The following RFTN2 variants were observed in gnomAD, a reference collection of about 807,000 sequenced individuals.
The protein encoded by RFTN2 is raftlin-2.
RFTN2 carries 34 observed loss-of-function variants against 52.7 expected under a neutral mutation model. That is an observed-to-expected ratio of 0.64 (90% CI 0.49 to 0.86). The LOEUF (loss-of-function observed/expected upper bound fraction) is 0.86, where lower values mean the gene tolerates loss of function less well. RFTN2 is among the 40% of genes least tolerant of loss of function. RFTN2 has a pLI of 0.00. For synonymous variants in RFTN2, 203 were observed against 217.7 expected (o/e 0.93, Z 0.59); for missense variants, 536 against 600.1 (o/e 0.89, Z 1.12).
At chr2:197,605,467 G>A (rs185358050) in intron 7 of RFTN2, among the ~76,000 whole-genome samples, 30 of 152,128 alleles carry the variant, frequency 2.0e-4, no homozygotes, top group South Asian at 6.2e-4. Flanking sequence ...CGCCCGCCTT[G>A]GCCTCCCAAA....
intron 1 of RFTN2, among the ~76,000 whole-genome samples, chr2:197,646,968 C>T (rs1409951290): frequency 6.9e-6 from 1 of 145,402 alleles, no homozygotes; most frequent in East Asian, 2.0e-4. Flanking sequence ...TGTATTTATA[C>T]ATTTTTAAAG....
At chr2:197,667,306 C>A (rs750751566) in intron 1 of RFTN2, among the ~76,000 whole-genome samples, 12 of 152,120 alleles carry the variant, frequency 7.9e-5, no homozygotes, top group Non-Finnish European at 1.8e-4. Context: ...TTATATCTAT[C>A]TCTCTGGTAA....
At chr2:197,659,381 C>T (rs113777012) in intron 1 of RFTN2, among the ~76,000 whole-genome samples, 3,607 of 150,714 alleles carry the variant, frequency 0.024, 138 homozygotes, top group African/African-American at 0.083. Flanking sequence ...CTCCTGTAGG[C>T]CCAGCTACTT....
chr2:197,651,222 C>T (rs1375798513), intron 1 of RFTN2, among the ~76,000 whole-genome samples: 1 of 152,180 alleles, frequency 6.6e-6, no homozygotes, highest in African/African-American at 2.4e-5. Context: ...ATTGACTTTT[C>T]ACTCTGTTGA....
At chr2:197,612,437 C>G (rs1416434955) in intron 7 of RFTN2, among the ~76,000 whole-genome samples, 2 of 152,196 alleles carry the variant, frequency 1.3e-5, no homozygotes, top group Non-Finnish European at 2.9e-5. Context: ...GGTAGCCAAA[C>G]AGAGGGAACT....
In RFTN2 at chr2:197,626,898, G is replaced by A. The variant is rs554072926; in HGVS notation, c.928+4113C>T. Reference sequence around the variant, plus strand: ...CTCCCAAAGTGCTGGGATTACAGGCGTGAGCCACCATGCCCAGCCATAATC... The same window carrying A: ...CTCCCAAAGTGCTGGGATTACAGGCATGAGCCACCATGCCCAGCCATAATC... On this transcript the variant is annotated intron_variant, in intron 5 of 8. Coordinates refer to ENST00000295049, the MANE Select transcript of RFTN2 (RefSeq NM_144629.3). Among the ~76,000 whole-genome samples the A allele has an allele frequency of 7.9e-5, 12 of 152,186 alleles. No individual in the cohort carries two copies. The South Asian group carries it at 1.7e-3, about 21-fold the overall frequency.
At chr2:197,578,006 C>T (rs976251600) in intron 8 of RFTN2, among the ~76,000 whole-genome samples, 12 of 152,088 alleles carry the variant, frequency 7.9e-5, no homozygotes, top group African/African-American at 1.7e-4. Flanking sequence ...CGTGAGCCAC[C>T]GCGCCCAGCC....
At chr2:197,584,125 C>T (rs2087556596) in intron 8 of RFTN2, among the ~76,000 whole-genome samples, 2 of 152,118 alleles carry the variant, frequency 1.3e-5, no homozygotes, top group African/African-American at 4.8e-5. Context: ...GATTTATAAT[C>T]CTTTGGGTAT....
intron 7 of RFTN2, among the ~76,000 whole-genome samples, chr2:197,600,765 TTAAG>T (rs1461605450): frequency 1.3e-5 from 2 of 152,222 alleles, no homozygotes; most frequent in African/African-American, 4.8e-5. Flanking sequence ...GTGCTGTTAG[TTAAG>T]TAAGTGACTT....
chr2:197,626,562 CAAATAAAT>C lies in RFTN2; in HGVS notation c.928+4441_928+4448del, dbSNP rs138860159. ...CTGGGTGACAGTGAGACCCCATCTA[CAAATAAAT>C]AAATAAATAAATAAATAAAGTTAAA... On this transcript the variant is annotated intron_variant, in intron 5 of 8. Coordinates refer to ENST00000295049, the MANE Select transcript of RFTN2 (RefSeq NM_144629.3). Among the ~76,000 whole-genome samples the C allele has an allele frequency of 2.8e-4, 35 of 124,060 alleles. No homozygotes were observed. The East Asian group carries it at 5.8e-3, about 21-fold the overall frequency. The allele number at this position is 124,060 out of a possible 152,430, so 81.4% of individuals were successfully genotyped here. A position where few individuals can be genotyped will look rare whatever the true frequency, so the allele number is the denominator to read the frequency against.
chr2:197,619,115 G>A (rs1455549442), intron 5 of RFTN2, among the ~76,000 whole-genome samples: 1 of 146,676 alleles, frequency 6.8e-6, no homozygotes, highest in African/African-American at 2.5e-5. Flanking sequence ...CCGGCCAGCC[G>A]CCCCGTCCGG....
At chr2:197,658,425 G>A (rs1284120860) in intron 1 of RFTN2, among the ~76,000 whole-genome samples, 1 of 149,928 alleles carries the variant, frequency 6.7e-6, no homozygotes, top group Admixed American at 6.7e-5. Context: ...CGCATGCCAT[G>A]ACACCATGCT....
At chr2:197,670,683 A>T (rs926590819) in intron 1 of RFTN2, among the ~76,000 whole-genome samples, 2 of 152,104 alleles carry the variant, frequency 1.3e-5, no homozygotes, top group Non-Finnish European at 2.9e-5. Context: ...TCAAAAAAAA[A>T]ATCTATTTCA....
rs1352400447 is a variant in RFTN2, at chr2:197,610,132, G to GT, written c.1154+5743dup. 9.2e-5 allele frequency among the ~76,000 whole-genome samples: 14 copies of GT among 152,256 alleles called. No individual in the cohort carries two copies. In the South Asian group the frequency reaches 2.9e-3, roughly 32 times the overall value. On this transcript the variant is annotated intron_variant, in intron 7 of 8. Transcript: ENST00000295049. ...TTGGTTCCATATGAACTTTAAAGTAGTTTTTTCCAATTCTGTGAAGAAAGT... is the reference window on the plus strand; with the variant it reads ...TTGGTTCCATATGAACTTTAAAGTAGTTTTTTTCCAATTCTGTGAAGAAAGT...
intron 1 of RFTN2, among the ~76,000 whole-genome samples, chr2:197,656,852 T>G (rs2088901494): frequency 1.3e-5 from 2 of 151,980 alleles, no homozygotes; most frequent in African/African-American, 4.8e-5. Flanking sequence ...AGTCCTTGAC[T>G]CAAATGCCTC....
rs1247439935 is a variant in RFTN2, at chr2:197,637,551, A to T, written c.439-3554T>A. Among the ~76,000 whole-genome samples the T allele has an allele frequency of 1.1e-4, 16 of 152,212 alleles. No individual in the cohort carries two copies. The East Asian group carries it at 2.9e-3, about 28-fold the overall frequency. ...ATAGAGGTGTTTGTAGTATTCTCTG[A>T]TGGTAGTTTGTATTTCTGTGGGATT... is the stretch of plus-strand genomic sequence containing the variant. On this transcript the variant is annotated intron_variant, in intron 3 of 8. Coordinates refer to ENST00000295049, the MANE Select transcript of RFTN2 (RefSeq NM_144629.3).
intron 1 of RFTN2, among the ~76,000 whole-genome samples, chr2:197,654,420 A>G (rs2088865794): frequency 6.6e-6 from 1 of 152,022 alleles, no homozygotes; most frequent in Non-Finnish European, 1.5e-5. Flanking sequence ...ATCAAAAACA[A>G]AAAAGGAGAA....
intron 3 of RFTN2, among the ~76,000 whole-genome samples, chr2:197,640,577 C>G (rs1223147995): frequency 6.6e-6 from 1 of 152,256 alleles, no homozygotes; most frequent in Non-Finnish European, 1.5e-5. Context: ...GAGGCAATGC[C>G]TCGCCCTGCT....
intron 1 of RFTN2, among the ~76,000 whole-genome samples, chr2:197,657,592 A>T (rs2088911618): frequency 6.6e-6 from 1 of 152,010 alleles, no homozygotes; most frequent in Admixed American, 6.6e-5. Flanking sequence ...CTCCAATCTC[A>T]TTTACACATG....
Sources: allele counts gnomAD v4.1 joint callset (sites outside exome capture counted in the v4.1 genomes callset), GRCh38; gene constraint gnomAD v4.1.1; transcripts MANE v1.5; gene names NCBI Gene and HGNC (gene_info 2026-07-23, HGNC 2026-07-21).